ATAD3B: variants seen among roughly 807,000 people sequenced by gnomAD.
The protein encoded by ATAD3B is ATPase family AAA domain-containing protein 3B.
ATAD3B carries 59 observed loss-of-function variants against 70.2 expected under a neutral mutation model. The ratio of observed to expected loss-of-function variants is 0.84; its 90% CI spans 0.68 to 1.04. The LOEUF is 1.04. ATAD3B is among the 50% of genes least tolerant of loss of function. The probability of loss-of-function intolerance (pLI) is 0.00; values close to 1 mark genes in which losing one functional copy is unlikely to be tolerated. For missense variants in ATAD3B, 961 were observed against 913.4 expected, an observed-to-expected ratio of 1.05 and a Z score of -0.67; for synonymous variants, 423 against 388.6, an observed-to-expected ratio of 1.09 and a Z score of -1.04.
chr1:1,490,693 C>T (rs968616053), intron 15 of ATAD3B, 22 bp downstream of exon 15: 11 of 1,555,342 alleles, frequency 7.1e-6, no homozygotes, highest in Middle Eastern at 1.7e-4. Context: ...TCCGGCACGT[C>T]CACCCAGACG....
intron 1 of ATAD3B, among the ~76,000 whole-genome samples, chr1:1,476,423 G>C (rs1173954255): frequency 6.6e-6 from 1 of 151,576 alleles, no homozygotes; most frequent in South Asian, 2.1e-4. Flanking sequence ...AAAGTGAGAC[G>C]GGCTGCGGGA....
chr1:1,488,327 G>C (rs1329804623), intron 12 of ATAD3B, among the ~76,000 whole-genome samples: 1 of 151,988 alleles, frequency 6.6e-6, no homozygotes, highest in Non-Finnish European at 1.5e-5. Context: ...TCCAGCTCAA[G>C]CAGTCCTCCT....
intron 15 of ATAD3B, among the ~76,000 whole-genome samples, chr1:1,492,150 C>T (rs1250798283): frequency 6.6e-6 from 1 of 151,830 alleles, no homozygotes; most frequent in Non-Finnish European, 1.5e-5. Context: ...TGTGCCACTG[C>T]ACTCCAGCCT....
chr1:1,496,072 C>A lies in ATAD3B; in HGVS notation c.*255C>A. ...TAGACAGAAGTGGGGCGGCCTGAAC[C>A]CTGCTTCCAGCCATGGCCAGGGGCC... On this transcript the variant is annotated 3_prime_UTR_variant, in exon 16 of 16. Coordinates refer to ENST00000673477, the MANE Select transcript of ATAD3B (RefSeq NM_031921.6). 1 of 1,239,478 alleles carries A rather than the reference C, an allele frequency of 8.1e-7. No individual in the cohort carries two copies. Among genetic ancestry groups the A allele is most frequent in the Non-Finnish European group, 1.0e-6 (1 of 987,806 alleles). The allele number at this position is 1,239,478 out of a possible 1,614,324, so 76.8% of individuals were successfully genotyped here.
chr1:1,489,158 C>T, intron 12 of ATAD3B, 46 bp from the exon 13 acceptor site: 1 of 1,611,934 alleles, frequency 6.2e-7, no homozygotes. Context: ...TGGCTGTTTA[C>T]AAGGCTTTGC....
At chr1:1,500,796 A>AC (rs938692206), downstream of ATAD3B, among the ~76,000 whole-genome samples, 1 of 150,836 alleles carries the variant, frequency 6.6e-6, no homozygotes, top group Non-Finnish European at 1.5e-5. Context: ...TACTAAAAAT[A>AC]CAAAAAAAAA....
chr1:1,489,244 T>TCAGTA lies in ATAD3B; in HGVS notation c.1308_1309insAGTAC (p.Leu437SerfsTer35). 10 of 1,613,610 alleles carry TCAGTA rather than the reference T, an allele frequency of 6.2e-6. No individual in the cohort carries two copies. Among genetic ancestry groups the TCAGTA allele is most frequent in the Non-Finnish European group, 8.5e-6 (10 of 1,179,670 alleles). The stretch of plus-strand genomic sequence containing the variant: ...GACCTCAGAGCCACACTGAACGCCT[T>TCAGTA]CCTGTACCACATGGGCCAACACAGC... On this transcript the variant is annotated frameshift_variant, in exon 13 of 16. Transcript: ENST00000673477. LOFTEE classifies it high-confidence loss of function.
chr1:1,488,265 T>C (rs1407639051), intron 12 of ATAD3B, among the ~76,000 whole-genome samples: 1 of 151,940 alleles, frequency 6.6e-6, no homozygotes, highest in African/African-American at 2.4e-5. Flanking sequence ...CATACAGTTA[T>C]TATTTTAATA....
chr1:1,485,792 G>C lies in ATAD3B; in HGVS notation c.917G>C (p.Arg306Pro). The C allele has an allele frequency of 1.2e-6, 2 of 1,613,032 alleles. No homozygotes were observed. Among genetic ancestry groups the C allele is most frequent in the Non-Finnish European group, 1.7e-6 (2 of 1,179,410 alleles). ...CTTCCCCTCCGGCAGGTCAGCCGGC[G>C]GCTCCTCAGTCGACCCCAGGACGTG... is the stretch of plus-strand genomic sequence containing the variant. ...ALRHPIQVSR[R>P]LLSRPQDVLE... The change falls in exon 9 of 16, where the codon CGG (arginine) becomes CCG (proline). Residue 306 changes from arginine to proline, a missense_variant. Coordinates refer to ENST00000673477, the MANE Select transcript of ATAD3B (RefSeq NM_031921.6).
chr1:1,497,458 T>C lies in ATAD3B; in HGVS notation c.*1641T>C, dbSNP rs1472329317. ...AATGCCCAGGCTGGTCTCCAACTCT[T>C]GGCCTCAGGAGATCCTCCCGCCTCT... On this transcript the variant is annotated 3_prime_UTR_variant, in exon 16 of 16. Coordinates refer to ENST00000673477, the MANE Select transcript of ATAD3B (RefSeq NM_031921.6). The C allele has an allele frequency of 2.7e-5, 4 of 149,608 alleles. No individual in the cohort carries two copies. The highest frequency in any genetic ancestry group is 5.9e-5 in the Non-Finnish European group (4 of 67,656). 9.3% of individuals were successfully genotyped at this position (149,608 alleles called of 1,614,324 possible).
intron 15 of ATAD3B, among the ~76,000 whole-genome samples, chr1:1,494,206 C>T (rs1393832509): frequency 6.7e-6 from 1 of 148,446 alleles, no homozygotes; most frequent in Non-Finnish European, 1.5e-5. Flanking sequence ...CAGGAGGCCA[C>T]GTGACATTTA....
chr1:1,488,202 C>T (rs1206275059), intron 12 of ATAD3B, among the ~76,000 whole-genome samples: 2 of 151,910 alleles, frequency 1.3e-5, no homozygotes, highest in Non-Finnish European at 2.9e-5. Flanking sequence ...AATGATCTGC[C>T]CACCTGGCCT....
At chr1:1,508,379 G>A in the ATAD3B span, among the ~76,000 whole-genome samples, 1 of 151,296 alleles carries the variant, frequency 6.6e-6, no homozygotes, top group Non-Finnish European at 1.5e-5. Flanking sequence ...TGGGAGGATG[G>A]TGTGCTGCTG....
chr1:1,486,337 G>A (rs1640214689), intron 10 of ATAD3B, 102 bp downstream of exon 10: 1 of 1,600,156 alleles, frequency 6.2e-7, no homozygotes, highest in Non-Finnish European at 8.5e-7. Context: ...ACCCCCCTTA[G>A]GCCTTTGCCT....
chr1:1,475,868 A>G (rs977407926), intron 1 of ATAD3B, among the ~76,000 whole-genome samples: 10 of 150,824 alleles, frequency 6.6e-5, no homozygotes, highest in African/African-American at 2.2e-4. Context: ...GGAACTGTCA[A>G]TGAGCCATTT....
intron 1 of ATAD3B, among the ~76,000 whole-genome samples, chr1:1,474,479 C>T (rs1270383449): frequency 6.6e-6 from 1 of 150,868 alleles, no homozygotes; most frequent in Non-Finnish European, 1.5e-5. Context: ...CGTGAGCCAC[C>T]GCGCCCGGCT....
intron 11 of ATAD3B, among the ~76,000 whole-genome samples, chr1:1,487,209 C>G (rs541548667): frequency 6.6e-6 from 1 of 150,810 alleles, no homozygotes; most frequent in South Asian, 2.1e-4. Context: ...CCTGTCCCTG[C>G]GCCAGGCGTG....
intron 15 of ATAD3B, among the ~76,000 whole-genome samples, chr1:1,495,135 G>A (rs1198060523): frequency 6.6e-6 from 1 of 152,062 alleles, no homozygotes; most frequent in Non-Finnish European, 1.5e-5. Flanking sequence ...ATGACCCGGG[G>A]GCACTGCCTG....
At chr1:1,500,911 T>G (rs953790786), downstream of ATAD3B, among the ~76,000 whole-genome samples, 2 of 151,896 alleles carry the variant, frequency 1.3e-5, no homozygotes, top group Non-Finnish European at 2.9e-5. Flanking sequence ...GAGCCGAGAT[T>G]GCGGCACTGC....
Sources: allele counts gnomAD v4.1 joint callset (sites outside exome capture counted in the v4.1 genomes callset), GRCh38; gene constraint gnomAD v4.1.1; transcripts MANE v1.5; gene names NCBI Gene and HGNC (gene_info 2026-07-23, HGNC 2026-07-21).